Variants in SLIT3 observed in about 807,000 individuals in gnomAD.
SLIT3 encodes the protein slit guidance ligand 3, also known as slit homolog 3 protein.
In SLIT3, 68 loss-of-function variants were observed where a neutral mutation model predicts 184.0. That is an observed-to-expected ratio of 0.37 (90% CI 0.30 to 0.45). The LOEUF is 0.45. Among genes scored for constraint, SLIT3 ranks in the 20% least tolerant of loss-of-function variants. The pLI is 1.00. For synonymous variants in SLIT3, 831 were observed against 828.6 expected, an observed-to-expected ratio of 1.00 and a Z score of -0.05; for missense variants, 1,707 against 2,026.0, an observed-to-expected ratio of 0.84 and a Z score of 3.02.
At chr5:168,906,416 G>T (rs2042114974) in intron 4 of SLIT3, among the ~76,000 whole-genome samples, 1 of 152,176 alleles carries the variant, frequency 6.6e-6, no homozygotes, top group South Asian at 2.1e-4. Context: ...AAACATTATT[G>T]CTCTGGAAAA....
intron 4 of SLIT3, among the ~76,000 whole-genome samples, chr5:169,074,996 T>TTGAGCTCTTGAGAACA (rs1259272494): frequency 6.6e-6 from 1 of 152,190 alleles, no homozygotes; most frequent in Non-Finnish European, 1.5e-5. Context: ...CTGAGAGCTC[T>TTGAGCTCTTGAGAACA]GCTATTGAGC....
At position 168,718,677 on chromosome 5, in the gene SLIT3, TACACACACACACACACAC is replaced by T. The variant is rs1163238928; in HGVS notation, c.2483+3561_2483+3578del. Among the ~76,000 whole-genome samples the T allele has an allele frequency of 1.3e-3, 142 of 108,678 alleles. 2 individuals carry two copies. In the East Asian group the frequency reaches 0.015, roughly 11 times the overall value. 71.3% of individuals were successfully genotyped at this position (108,678 alleles called of 152,430 possible). On this transcript the variant is annotated intron_variant, in intron 23 of 35. Transcript: ENST00000519560. ...CCTGAAATGTATTCATATCCACCCATACACACACACACACACACACACACACACACACACACACACACA... is the reference window on the plus strand; with the variant it reads ...CCTGAAATGTATTCATATCCACCCATACACACACACACACACACACACACA...
Position 169,073,526 on chromosome 5 carries a change from T to C in SLIT3, c.413+119953A>G, listed in dbSNP as rs113129667. Among the ~76,000 whole-genome samples, 955 of 152,132 alleles carry C rather than the reference T, an allele frequency of 6.3e-3. 6 individuals are homozygous for C. Among genetic ancestry groups the C allele is most frequent in the East Asian group, 0.036 (186 of 5,158 alleles). On this transcript the variant is annotated intron_variant, in intron 4 of 35. Coordinates refer to ENST00000519560, the MANE Select transcript of SLIT3 (RefSeq NM_003062.4). Reference sequence around the variant, plus strand: ...GAATCAGACAATGTCAGTGATGTGATTTGGATGTTTGTCCCCTCCAAATCT... The same window carrying C: ...GAATCAGACAATGTCAGTGATGTGACTTGGATGTTTGTCCCCTCCAAATCT...
intron 4 of SLIT3, among the ~76,000 whole-genome samples, chr5:168,941,403 A>G (rs1488633746): frequency 3.3e-5 from 5 of 152,208 alleles, no homozygotes; most frequent in Non-Finnish European, 5.9e-5. Flanking sequence ...CTAACGGGGT[A>G]AAACATACTA....
chr5:169,299,892 T>TA (rs147342588), intron 1 of SLIT3, among the ~76,000 whole-genome samples: 5,877 of 152,152 alleles, frequency 0.039, 402 homozygotes, highest in African/African-American at 0.14. Context: ...AACCGAGCCA[T>TA]AAAAAATTCA....
At position 168,856,766 on chromosome 5, in the gene SLIT3, C is replaced by CGTGTATGTGT. The variant is rs1554149427; in HGVS notation, c.486-12112_486-12111insACACATACAC. On this transcript the variant is annotated intron_variant, in intron 5 of 35. Transcript: ENST00000519560. ...TTTGCATTTCAGAAGCTGAGTTCCT[C>CGTGTATGTGT]GTGTGTGTGTGTGTGTGTGTGTGTG... Among the ~76,000 whole-genome samples the CGTGTATGTGT allele has an allele frequency of 1.0e-3, 136 of 132,926 alleles. 1 individual carries two copies. The highest frequency in any genetic ancestry group is 3.6e-3 in the African/African-American group (126 of 34,696). 87.2% of individuals were successfully genotyped at this position (132,926 alleles called of 152,430 possible).
At chr5:169,177,112 G>A (rs905048854) in intron 4 of SLIT3, among the ~76,000 whole-genome samples, 1 of 152,198 alleles carries the variant, frequency 6.6e-6, no homozygotes, top group Admixed American at 6.5e-5. Flanking sequence ...GAAATAAATG[G>A]AGGGTGCATT....
chr5:168,922,475 AAG>A (rs1761670590), intron 4 of SLIT3, among the ~76,000 whole-genome samples: 1 of 151,476 alleles, frequency 6.6e-6, no homozygotes, highest in Non-Finnish European at 1.5e-5. Context: ...AAAAAAAAAA[AAG>A]AAGTGGAAGG....
rs142752181 is a variant in SLIT3 at position 169,199,230 on chromosome 5, G to A, written c.342-5680C>T. 1.0e-3 allele frequency among the ~76,000 whole-genome samples: 152 copies of A among 147,672 alleles called. 2 individuals carry two copies. Among genetic ancestry groups the A allele is most frequent in the African/African-American group, 3.6e-3 (139 of 38,206 alleles). ...GGCTGGGTTTTGTGACAGGATGTAC[G>A]TGAGGATTGGTCTCTGCGTGAAGAC... On this transcript the variant is annotated intron_variant, in intron 3 of 35. Coordinates refer to ENST00000519560, the MANE Select transcript of SLIT3 (RefSeq NM_003062.4).
At chr5:169,209,133 T>C (rs1310558805) in intron 3 of SLIT3, among the ~76,000 whole-genome samples, 1 of 152,126 alleles carries the variant, frequency 6.6e-6, no homozygotes, top group African/African-American at 2.4e-5. Flanking sequence ...CATCAAAAAG[T>C]AGGCGAAGGA....
chr5:169,063,264 C>A (rs189338030), intron 4 of SLIT3, among the ~76,000 whole-genome samples: 8 of 152,254 alleles, frequency 5.3e-5, no homozygotes, highest in Non-Finnish European at 1.0e-4. Context: ...GTCCTGAATT[C>A]GTCAGTTATT....
chr5:169,032,364 C>G (rs755789357), intron 4 of SLIT3, among the ~76,000 whole-genome samples: 1 of 152,072 alleles, frequency 6.6e-6, no homozygotes, highest in African/African-American at 2.4e-5. Context: ...TTTCATAAAT[C>G]TACCTTTTTT....
intron 4 of SLIT3, among the ~76,000 whole-genome samples, chr5:169,104,102 TCTC>T (rs1760114515): frequency 6.6e-6 from 1 of 152,144 alleles, no homozygotes; most frequent in African/African-American, 2.4e-5. Flanking sequence ...CTCACTTAAT[TCTC>T]CTATTTTTCT....
At chr5:169,000,168 C>T (rs1026085069) in intron 4 of SLIT3, among the ~76,000 whole-genome samples, 11 of 151,794 alleles carry the variant, frequency 7.2e-5, no homozygotes, top group African/African-American at 1.7e-4. Flanking sequence ...CTGAGGCAGG[C>T]GCATCATGAG....
intron 4 of SLIT3, among the ~76,000 whole-genome samples, chr5:169,099,613 T>C (rs886171303): frequency 6.6e-6 from 1 of 152,196 alleles, no homozygotes; most frequent in Admixed American, 6.5e-5. Context: ...CTGTAAGTAG[T>C]CACACAGCTA....
At chr5:169,031,195 T>C (rs1757014000) in intron 4 of SLIT3, among the ~76,000 whole-genome samples, 1 of 152,218 alleles carries the variant, frequency 6.6e-6, no homozygotes, top group South Asian at 2.1e-4. Context: ...TTGTGATCAG[T>C]GTAGGCAGTG....
In SLIT3 at chr5:168,998,659, G is replaced by C. The variant is rs1032053091; in HGVS notation, c.414-115323C>G. On this transcript the variant is annotated intron_variant, in intron 4 of 35. Transcript: ENST00000519560. ...GCAGAGGTTGCAGTGAGCCGAGATC[G>C]CACCATTGCACTCCAGCCTGGGCGA... 3.3e-5 allele frequency among the ~76,000 whole-genome samples: 5 copies of C among 151,992 alleles called. No homozygotes were observed. In the South Asian group the frequency reaches 1.0e-3, roughly 32 times the overall value.
chr5:169,027,606 G>A (rs1044563454), intron 4 of SLIT3, among the ~76,000 whole-genome samples: 3 of 152,116 alleles, frequency 2.0e-5, no homozygotes, highest in African/African-American at 4.8e-5. Flanking sequence ...ACTCTCCGCC[G>A]TGACCCATAT....
At chr5:169,165,919 G>A (rs1177384756) in intron 4 of SLIT3, among the ~76,000 whole-genome samples, 1 of 152,190 alleles carries the variant, frequency 6.6e-6, no homozygotes, top group East Asian at 1.9e-4. Flanking sequence ...GAATGAAATA[G>A]TTTCTGAGTG....
Sources: gnomAD v4.1 joint callset for allele counts (sites outside exome capture counted in the v4.1 genomes callset) on GRCh38, gnomAD v4.1.1 for gene constraint, MANE v1.5 for transcripts, NCBI Gene and HGNC (gene_info 2026-07-23, HGNC 2026-07-21) for gene names.